UBR3: variants seen among roughly 807,000 people sequenced by gnomAD.
The protein encoded by UBR3 is ubiquitin protein ligase E3 component n-recognin 3.
UBR3 carries 85 observed loss-of-function variants against 243.2 expected under a neutral mutation model. That is an observed-to-expected ratio of 0.35 (90% CI 0.29 to 0.42). The LOEUF (loss-of-function observed/expected upper bound fraction) is 0.42. Among genes scored for constraint, UBR3 ranks in the 10% least tolerant of loss-of-function variants. UBR3 has a pLI of 1.00. For synonymous variants in UBR3, 748 were observed against 799.8 expected, an observed-to-expected ratio of 0.94 and a Z score of 1.09; for missense variants, 1,686 against 2,300.8, an observed-to-expected ratio of 0.73 and a Z score of 5.47.
intron 19 of UBR3, among the ~76,000 whole-genome samples, chr2:169,937,256 A>C (rs2086374273): frequency 6.6e-6 from 1 of 152,230 alleles, no homozygotes; most frequent in African/African-American, 2.4e-5. Flanking sequence ...TCTGATGGCC[A>C]GTGATGATGA....
At chr2:169,833,900 A>G (rs955983867) in intron 1 of UBR3, among the ~76,000 whole-genome samples, 2 of 151,342 alleles carry the variant, frequency 1.3e-5, no homozygotes, top group Non-Finnish European at 2.9e-5. Context: ...CTCCCACCTC[A>G]CCCTCCCAAG....
Position 170,083,654 on chromosome 2 carries a change from A to G in UBR3, c.*1811A>G, listed in dbSNP as rs528736209. The G allele has an allele frequency of 1.3e-5, 2 of 152,622 alleles. No individual in the cohort carries two copies. Among genetic ancestry groups the G allele is most frequent in the South Asian group, 4.1e-4 (2 of 4,828 alleles). The allele number at this position is 152,622 out of a possible 1,614,324, so 9.5% of individuals were successfully genotyped here. On this transcript the variant is annotated 3_prime_UTR_variant, in exon 39 of 39. Transcript: ENST00000272793. The stretch of plus-strand genomic sequence containing the variant: ...ATGCTATATATACATGGTATAATGT[A>G]TTCAGACTTTGATTACTACTTATTT...
intron 1 of UBR3, among the ~76,000 whole-genome samples, chr2:169,861,195 C>T (rs2083076036): frequency 1.3e-5 from 2 of 152,232 alleles, no homozygotes; most frequent in Admixed American, 1.3e-4. Flanking sequence ...TTGGGCAATA[C>T]TCTCACAGAT....
intron 6 of UBR3, among the ~76,000 whole-genome samples, chr2:169,893,343 G>T (rs985062990): frequency 1.8e-4 from 27 of 152,172 alleles, no homozygotes; most frequent in Admixed American, 4.6e-4. Flanking sequence ...TAATAATTAT[G>T]ATGGCTTCAG....
intron 8 of UBR3, 106 bp downstream of exon 8, chr2:169,896,841 T>TATC: frequency 1.1e-5 from 8 of 760,574 alleles, no homozygotes; most frequent in Non-Finnish European, 1.5e-5. Flanking sequence ...TGATACTTAG[T>TATC]ATTATTAATC....
chr2:169,943,928 A>G (rs1262981668), intron 20 of UBR3, among the ~76,000 whole-genome samples: 1 of 151,992 alleles, frequency 6.6e-6, no homozygotes, highest in African/African-American at 2.4e-5. Flanking sequence ...TTTCAACCCT[A>G]CCCGTGACCA....
At position 169,940,723 on chromosome 2, in the gene UBR3, C is replaced by T. The variant is rs78121602; in HGVS notation, c.2664-1770C>T. 3.4e-3 allele frequency among the ~76,000 whole-genome samples: 516 copies of T among 152,188 alleles called. 5 individuals carry two copies. The highest frequency in any genetic ancestry group is 0.012 in the African/African-American group (495 of 41,526). On this transcript the variant is annotated intron_variant, in intron 19 of 38. Coordinates refer to ENST00000272793, the MANE Select transcript of UBR3 (RefSeq NM_172070.4). Reference sequence around the variant, plus strand: ...ATTTGTCGTTTTCTCTGTGTAATTCCCTCAAAATTTGCCTTTTGTATTATG... The same window carrying T: ...ATTTGTCGTTTTCTCTGTGTAATTCTCTCAAAATTTGCCTTTTGTATTATG...
chr2:169,968,344 A>T (rs947591238), intron 24 of UBR3, among the ~76,000 whole-genome samples: 1 of 152,086 alleles, frequency 6.6e-6, no homozygotes, highest in African/African-American at 2.4e-5. Context: ...CTCTCTTCAT[A>T]TCCTCCTCCC....
At chr2:170,004,083 A>T (rs2089817160) in intron 27 of UBR3, among the ~76,000 whole-genome samples, 1 of 152,196 alleles carries the variant, frequency 6.6e-6, no homozygotes, top group Non-Finnish European at 1.5e-5. Context: ...CCTTAGAGAA[A>T]GCCATTAAAG....
intron 3 of UBR3, 135 bp downstream of exon 3, chr2:169,876,084 CTTTTT>C (rs547614070): frequency 4.7e-4 from 196 of 418,034 alleles, no homozygotes; most frequent in Middle Eastern, 8.2e-4. Flanking sequence ...AAGAGAACTT[CTTTTT>C]TTTTTTTTTT....
chr2:169,973,825 G>C (rs1005960761), intron 24 of UBR3, among the ~76,000 whole-genome samples: 2 of 152,104 alleles, frequency 1.3e-5, no homozygotes, highest in African/African-American at 4.8e-5. Context: ...TATAATGTTA[G>C]CTCTGGACTT....
chr2:169,926,854 T>C lies in UBR3; in HGVS notation c.2221T>C (p.Leu741=), dbSNP rs1434742378. ...TTCTTGTAGATTTAAGGTAGTGGAT[T>C]TGTTGACAATGGCATCACAACATCA... The part of the protein sequence containing the change: ...SVFERFKVVD[L]LTMASQHQNT... The change falls in exon 16 of 39, where the codon TTG becomes CTG. Residue 741 remains leucine (L), a synonymous_variant. Coordinates refer to ENST00000272793, the MANE Select transcript of UBR3 (RefSeq NM_172070.4). 6.5e-7 allele frequency: 1 copy of C among 1,549,330 alleles called. No individual in the cohort carries two copies. Among genetic ancestry groups the C allele is most frequent in the South Asian group, 1.2e-5 (1 of 83,510 alleles).
intron 1 of UBR3, among the ~76,000 whole-genome samples, chr2:169,871,996 T>C (rs1302497909): frequency 4.6e-5 from 7 of 152,118 alleles, no homozygotes; most frequent in Admixed American, 4.6e-4. Flanking sequence ...AGATTTTCTT[T>C]TTGTATTCTA....
chr2:169,872,574 C>T (rs939560781), intron 2 of UBR3, among the ~76,000 whole-genome samples, 199 bp downstream of exon 2: 24 of 151,960 alleles, frequency 1.6e-4, no homozygotes, highest in African/African-American at 4.1e-4. Context: ...GATGTAGTTT[C>T]GTGCTTTCTG....
intron 24 of UBR3, among the ~76,000 whole-genome samples, chr2:169,982,591 T>C (rs2088790073): frequency 6.6e-6 from 1 of 152,104 alleles, no homozygotes; most frequent in Non-Finnish European, 1.5e-5. Flanking sequence ...TAAGTAGATA[T>C]TAAAGATAAA....
At chr2:169,952,480 A>T (rs895826236) in intron 23 of UBR3, among the ~76,000 whole-genome samples, 1 of 152,200 alleles carries the variant, frequency 6.6e-6, no homozygotes, top group Non-Finnish European at 1.5e-5. Flanking sequence ...GTGGATCACA[A>T]GGTCAGGAGA....
At chr2:169,877,784 AT>A in intron 4 of UBR3, 147 bp downstream of exon 4, 2 of 793,536 alleles carry the variant, frequency 2.5e-6, no homozygotes, top group African/African-American at 1.8e-5. Context: ...AGTAGTAAAA[AT>A]TTAGAGGCAA....
At chr2:169,856,832 AGGGAGG>A (rs1267654747) in intron 1 of UBR3, among the ~76,000 whole-genome samples, 3 of 43,280 alleles carry the variant, frequency 6.9e-5, no homozygotes, top group East Asian at 6.2e-4. Flanking sequence ...CAAAGGGGAG[AGGGAGG>A]GGGAGGGGGA....
At chr2:170,006,549 C>T (rs2089918944) in intron 27 of UBR3, among the ~76,000 whole-genome samples, 2 of 152,124 alleles carry the variant, frequency 1.3e-5, no homozygotes, top group Non-Finnish European at 1.5e-5. Flanking sequence ...GGCTTATTTA[C>T]TCTTAAAAGC....
Sources: allele counts gnomAD v4.1 joint callset (sites outside exome capture counted in the v4.1 genomes callset), GRCh38; gene constraint gnomAD v4.1.1; transcripts MANE v1.5; gene names NCBI Gene and HGNC (gene_info 2026-07-23, HGNC 2026-07-21).